The following SASH1 variants were observed in gnomAD, a reference collection of about 807,000 sequenced individuals.
The protein encoded by SASH1 is SAM and SH3 domain containing 1.
Under a neutral mutation model 125.2 loss-of-function variants are expected in SASH1, and 44 were observed. The observed-to-expected ratio is 0.35, with a 90% CI of 0.28 to 0.45. The LOEUF (loss-of-function observed/expected upper bound fraction) is 0.45, where lower values mean the gene tolerates loss of function less well. SASH1 is among the 20% of genes least tolerant of loss of function. The probability of loss-of-function intolerance (pLI) is 1.00; values close to 1 mark genes in which losing one functional copy is unlikely to be tolerated. For synonymous variants in SASH1, 639 were observed against 649.1 expected, an observed-to-expected ratio of 0.98 and a Z score of 0.24; for missense variants, 1,426 against 1,614.5, an observed-to-expected ratio of 0.88 and a Z score of 2.00.
chr6:148,354,395 G>T (rs1243561510), intron 1 of SASH1, among the ~76,000 whole-genome samples: 1 of 152,090 alleles, frequency 6.6e-6, no homozygotes, highest in Admixed American at 6.6e-5. Flanking sequence ...AATATTAAAA[G>T]CATTCACTTA....
chr6:148,310,217 G>C (rs1029111713), intron 1 of SASH1, among the ~76,000 whole-genome samples: 1 of 152,114 alleles, frequency 6.6e-6, no homozygotes, highest in Non-Finnish European at 1.5e-5. Flanking sequence ...AGCTACTTGG[G>C]AGGCTGAGGT....
At chr6:148,328,929 G>T (rs1475207930) in intron 1 of SASH1, among the ~76,000 whole-genome samples, 3 of 152,092 alleles carry the variant, frequency 2.0e-5, no homozygotes, top group African/African-American at 7.2e-5. Flanking sequence ...AGCACATGAG[G>T]ATCTGTATTT....
the SASH1 span, among the ~76,000 whole-genome samples, chr6:148,244,934 G>GTA: frequency 0.1 from 8,077 of 78,040 alleles, 206 homozygotes; most frequent in East Asian, 0.17. Flanking sequence ...GTGTGTGTAT[G>GTA]TGTGTGTGTG....
intron 8 of SASH1, among the ~76,000 whole-genome samples, chr6:148,498,119 C>T (rs946016394): frequency 1.3e-5 from 2 of 151,804 alleles, no homozygotes; most frequent in Admixed American, 1.3e-4. Flanking sequence ...CGTGGTGGCT[C>T]ACACCTGTAA....
intron 6 of SASH1, among the ~76,000 whole-genome samples, chr6:148,472,388 T>G (rs1424888153): frequency 6.6e-6 from 1 of 151,940 alleles, no homozygotes; most frequent in Admixed American, 6.6e-5. Context: ...TTTTAAGCAT[T>G]CCCAGTTTTT....
chr6:148,431,387 T>G (rs1776055053), intron 2 of SASH1, among the ~76,000 whole-genome samples: 1 of 151,954 alleles, frequency 6.6e-6, no homozygotes, highest in African/African-American at 2.4e-5. Flanking sequence ...TTAGAAGAGA[T>G]AGGGTTTCAC....
intron 1 of SASH1, among the ~76,000 whole-genome samples, chr6:148,302,774 A>G (rs200911467): frequency 1.1e-4 from 10 of 89,126 alleles, no homozygotes; most frequent in African/African-American, 1.8e-4. Context: ...GTGTGTGTGT[A>G]TATATATATG....
At position 148,529,001 on chromosome 6, in the gene SASH1, C is replaced by T. The variant is rs897303337; in HGVS notation, c.1428+1405C>T. Among the ~76,000 whole-genome samples the T allele has an allele frequency of 2.5e-4, 38 of 152,002 alleles. No individual in the cohort carries two copies. The highest frequency in any genetic ancestry group is 8.5e-4 in the Admixed American group (13 of 15,240). The stretch of plus-strand genomic sequence containing the variant: ...TCATAAACAGCGTGCAACCTAGATG[C>T]CTCGTGTGCACAATTCACAATAGGA... On this transcript the variant is annotated intron_variant, in intron 12 of 19. Coordinates refer to ENST00000367467, the MANE Select transcript of SASH1 (RefSeq NM_015278.5). This position sits in a 1 kb window ranked among gnomAD's most constrained non-coding sequence, Gnocchi z 4.2.
At chr6:148,215,501 T>C in the SASH1 span, among the ~76,000 whole-genome samples, 4 of 152,158 alleles carry the variant, frequency 2.6e-5, 1 homozygote, top group South Asian at 8.3e-4. Context: ...TCTGGGCTTC[T>C]TCTGTTTGGG....
At chr6:148,452,632 C>T (rs1777154419) in intron 4 of SASH1, among the ~76,000 whole-genome samples, 1 of 152,316 alleles carries the variant, frequency 6.6e-6, no homozygotes, top group Middle Eastern at 3.4e-3. Flanking sequence ...CAGCTCTTTT[C>T]AAGGGTGGTG....
chr6:148,236,268 G>A, the SASH1 span, among the ~76,000 whole-genome samples: 1 of 151,724 alleles, frequency 6.6e-6, no homozygotes, highest in African/African-American at 2.4e-5. Context: ...AGGCTGGAGT[G>A]CAATGGCACG....
At chr6:148,217,920 C>T in the SASH1 span, among the ~76,000 whole-genome samples, 1 of 150,386 alleles carries the variant, frequency 6.6e-6, no homozygotes, top group African/African-American at 2.4e-5. Context: ...GAGGCTGAGG[C>T]AGGAGGATCA....
chr6:148,244,957 T>A, the SASH1 span, among the ~76,000 whole-genome samples: 96 of 135,742 alleles, frequency 7.1e-4, no homozygotes, highest in African/African-American at 2.3e-3. Flanking sequence ...TGTGTGTGTG[T>A]GTGAGAGAGA....
intron 1 of SASH1, among the ~76,000 whole-genome samples, chr6:148,326,169 A>G (rs1031135565): frequency 6.7e-6 from 1 of 149,298 alleles, no homozygotes; most frequent in Non-Finnish European, 1.5e-5. Context: ...CTGGGATTAC[A>G]GGTGTCCACC....
At chr6:148,454,868 G>A (rs753379876) in intron 4 of SASH1, among the ~76,000 whole-genome samples, 15 of 152,210 alleles carry the variant, frequency 9.9e-5, no homozygotes, top group Middle Eastern at 3.2e-3. Context: ...TTTAGGGAGT[G>A]TCTCCTTCAT....
chr6:148,528,736 T>G (rs1387331481), intron 12 of SASH1, among the ~76,000 whole-genome samples: 1 of 152,204 alleles, frequency 6.6e-6, no homozygotes, highest in Non-Finnish European at 1.5e-5. Context: ...CAGGGACTGG[T>G]TTCGTGGAAG....
the SASH1 span, among the ~76,000 whole-genome samples, chr6:148,214,625 A>T: frequency 6.6e-6 from 1 of 152,074 alleles, no homozygotes. Flanking sequence ...CTATTCTCCC[A>T]CCAGATCCCT....
chr6:148,421,215 A>AAGAAAGAG (rs1554255027), intron 2 of SASH1, among the ~76,000 whole-genome samples: 7 of 125,520 alleles, frequency 5.6e-5, no homozygotes, highest in Non-Finnish European at 9.2e-5. Flanking sequence ...GAAAGAAAGA[A>AAGAAAGAG]AAAGAAAGAA....
the SASH1 span, among the ~76,000 whole-genome samples, chr6:148,214,471 A>G: frequency 6.6e-6 from 1 of 152,210 alleles, no homozygotes; most frequent in Non-Finnish European, 1.5e-5. Flanking sequence ...ATTCTCTGAC[A>G]TTAAAATTAG....
Sources: gnomAD v4.1 joint callset for allele counts (sites outside exome capture counted in the v4.1 genomes callset) on GRCh38, gnomAD v4.1.1 for gene constraint, Gnocchi (gnomAD v3.1) non-coding constraint, MANE v1.5 for transcripts, NCBI Gene and HGNC (gene_info 2026-07-23, HGNC 2026-07-21) for gene names.